Variants in MIEN1 observed in about 807,000 individuals in gnomAD.
The protein encoded by MIEN1 is HBV X-transactivated gene 4 protein.
MIEN1 carries 12 observed loss-of-function variants against 15.5 expected under a neutral mutation model. The observed-to-expected ratio is 0.78, with a 90% CI of 0.50 to 1.26. The LOEUF (loss-of-function observed/expected upper bound fraction) is 1.26. MIEN1 is among the 50% of genes most tolerant of loss of function. The probability of loss-of-function intolerance (pLI) is 0.00; values close to 1 mark genes in which losing one functional copy is unlikely to be tolerated. For synonymous variants in MIEN1, 63 were observed against 62.8 expected, an observed-to-expected ratio of 1.00 and a Z score of -0.02; for missense variants, 160 against 151.7, an observed-to-expected ratio of 1.05 and a Z score of -0.29.
At position 39,730,281 on chromosome 17, in the gene MIEN1, C is replaced by T; in HGVS notation, c.100G>A (p.Gly34Ser). The T allele has an allele frequency of 6.2e-7, 1 of 1,607,040 alleles. No individual in the cohort carries two copies. The highest frequency in any genetic ancestry group is 8.5e-7 in the Non-Finnish European group (1 of 1,178,544). ...AGCTCCAGGTAGGTCGCCTCGAAGC[C>T]GCAGGGTTCACTGGGGAGTCAAGAG... is the stretch of plus-strand genomic sequence containing the variant. ...RIVVEYCEPCGFEATYLELAS... is the reference protein window; with the variant it reads ...RIVVEYCEPCSFEATYLELAS... The change falls in exon 2 of 4, where the codon GGC becomes AGC. Residue 34 changes from glycine (G) to serine (S), a missense_variant. Coordinates refer to ENST00000394231, the MANE Select transcript of MIEN1 (RefSeq NM_032339.5).
chr17:39,730,350 C>G, intron 1 of MIEN1, 57 bp downstream of exon 1: 1 of 1,559,358 alleles, frequency 6.4e-7, no homozygotes, highest in South Asian at 1.2e-5. Context: ...TCCCGTGGAC[C>G]CACCTCCGTC....
chr17:39,729,550 T>C lies in MIEN1; in HGVS notation c.320A>G (p.Asn107Ser). ...CAGGATGACGCAGGGAGGACGGCTGTTGGTGATCTTTTCTAGGGTTTCTCC... is the reference window on the plus strand; with the variant it reads ...CAGGATGACGCAGGGAGGACGGCTGCTGGTGATCTTTTCTAGGGTTTCTCC... ...SNGETLEKITNSRPPCVIL is the reference protein window; with the variant it reads ...SNGETLEKITSSRPPCVIL Residue 107 changes from asparagine to serine, a missense_variant, in exon 4 of 4, where the codon AAC becomes AGC. Asn to Ser is a conservative substitution (Grantham distance 46, BLOSUM62 1). Coordinates refer to ENST00000394231, the MANE Select transcript of MIEN1 (RefSeq NM_032339.5). 6.2e-7 allele frequency: 1 copy of C among 1,614,004 alleles called. No individual in the cohort carries two copies. Among genetic ancestry groups the C allele is most frequent in the Non-Finnish European group, 8.5e-7 (1 of 1,180,012 alleles).
Position 39,729,360 on chromosome 17 carries a change from A to G in MIEN1, c.*162T>C. ...CTCTCTCCTGCCCCCAAGGCCACGG[A>G]ATCTTCTATTCCTTCTTTGTACCCA... On this transcript the variant is annotated 3_prime_UTR_variant, in exon 4 of 4. Coordinates refer to ENST00000394231, the MANE Select transcript of MIEN1 (RefSeq NM_032339.5). 1 of 833,578 alleles carries G rather than the reference A, an allele frequency of 1.2e-6. No individual in the cohort carries two copies. Among genetic ancestry groups the G allele is most frequent in the South Asian group, 1.7e-5 (1 of 59,750 alleles). 51.6% of individuals were successfully genotyped at this position (833,578 alleles called of 1,614,324 possible).
At chr17:39,730,313 C>T in intron 1 of MIEN1, 22 bp from the exon 2 acceptor site, 1 of 1,583,184 alleles carries the variant, frequency 6.3e-7, no homozygotes, top group Non-Finnish European at 8.6e-7. Flanking sequence ...AGAGATGGGG[C>T]TGGGCTGGGG....
Position 39,730,485 on chromosome 17 carries a change from T to C in MIEN1, c.11A>G (p.Glu4Gly), listed in dbSNP as rs2059933657. The C allele has an allele frequency of 6.5e-7, 1 of 1,534,192 alleles. No individual in the cohort carries two copies. The highest frequency in any genetic ancestry group is 1.4e-5 in the African/African-American group (1 of 71,440). Residue 4 changes from glutamate to glycine, a missense_variant, in exon 1 of 4, where the codon GAG becomes GGG. Transcript: ENST00000394231. ...GGGCGCTACGGACGTCTGCCCCGGC[T>C]CCCCGCTCATCGCGGCCGGCTCCGC... MSG[E>G]PGQTSVAPPP...
rs190390525 is a variant in MIEN1, at chr17:39,729,632, G to A, written c.265-27C>T. The A allele has an allele frequency of 3.1e-5, 50 of 1,614,114 alleles. 2 individuals carry two copies. The East Asian group carries it at 3.3e-4, about 11-fold the overall frequency. On this transcript the variant is annotated intron_variant, in intron 3 of 3. Coordinates refer to ENST00000394231, the MANE Select transcript of MIEN1 (RefSeq NM_032339.5). ...TAGAGGAGTGGAATGACAGGATGAT[G>A]CACTGTTGGGGTAGGGTGACCAAGA...
chr17:39,729,975 TC>T, intron 2 of MIEN1: 3 of 699,258 alleles, frequency 4.3e-6, no homozygotes, highest in Non-Finnish European at 7.1e-6. Context: ...AAGGACTCCC[TC>T]CCCTCCAACC....
At chr17:39,730,126 G>T in intron 2 of MIEN1, 68 bp downstream of exon 2, 1 of 1,446,004 alleles carries the variant, frequency 6.9e-7, no homozygotes. Flanking sequence ...GCCAATGTCA[G>T]AACTAGAAAG....
chr17:39,730,389 C>G lies in MIEN1; in HGVS notation c.89+18G>C. On this transcript the variant is annotated intron_variant, in intron 1 of 3. Coordinates refer to ENST00000394231, the MANE Select transcript of MIEN1 (RefSeq NM_032339.5). ...CCCGCGGGACCAGGGTGCGGGTCCT[C>G]CAGCCGGGGCCGCTCACCAGTACTC... 1 of 1,552,588 alleles carries G rather than the reference C, an allele frequency of 6.4e-7. No homozygotes were observed. Among genetic ancestry groups the G allele is most frequent in the Non-Finnish European group, 8.7e-7 (1 of 1,149,272 alleles).
Position 39,730,293 on chromosome 17 carries a change from T to C in MIEN1, c.90-2A>G. The C allele has an allele frequency of 6.3e-7, 1 of 1,599,272 alleles. No individual in the cohort carries two copies. The highest frequency in any genetic ancestry group is 8.5e-7 in the Non-Finnish European group (1 of 1,174,734). Reference sequence around the variant, plus strand: ...GTCGCCTCGAAGCCGCAGGGTTCACTGGGGAGTCAAGAGATGGGGCTGGGC... The same window carrying C: ...GTCGCCTCGAAGCCGCAGGGTTCACCGGGGAGTCAAGAGATGGGGCTGGGC... On this transcript the variant is annotated splice_acceptor_variant, in intron 1 of 3. Coordinates refer to ENST00000394231, the MANE Select transcript of MIEN1 (RefSeq NM_032339.5). LOFTEE classifies it high-confidence loss of function.
intron 1 of MIEN1, 36 bp downstream of exon 1, chr17:39,730,371 G>C (rs891390327): frequency 6.4e-7 from 1 of 1,554,930 alleles, no homozygotes; most frequent in Non-Finnish European, 8.7e-7. Context: ...CGGCCCGCGG[G>C]ACCAGGGTGC....
intron 2 of MIEN1, 105 bp from the exon 3 acceptor site, chr17:39,729,866 G>A (rs528458131): frequency 6.9e-7 from 1 of 1,441,314 alleles, no homozygotes; most frequent in East Asian, 2.3e-5. Flanking sequence ...AATCCCACTG[G>A]AGACCCATTT....
Position 39,729,440 on chromosome 17 carries a change from G to A in MIEN1, c.*82C>T. On this transcript the variant is annotated 3_prime_UTR_variant, in exon 4 of 4. Transcript: ENST00000394231. ...GCTAAGGAGCTAAGTAGGGGAAAGA[G>A]GCAGGGGGAGCTCCCAGCAGGACCA... 1.9e-6 allele frequency: 3 copies of A among 1,564,876 alleles called. No homozygotes were observed. The highest frequency in any genetic ancestry group is 1.1e-5 in the South Asian group (1 of 88,608).
chr17:39,729,830 G>C (rs113184388), intron 2 of MIEN1, 69 bp from the exon 3 acceptor site: 2 of 1,596,916 alleles, frequency 1.3e-6, no homozygotes, highest in African/African-American at 1.3e-5. Context: ...CCTCCAAAGG[G>C]GTCCCCCGCC....
intron 2 of MIEN1, 46 bp downstream of exon 2, chr17:39,730,148 G>C (rs2059928576): frequency 2.0e-6 from 3 of 1,528,798 alleles, no homozygotes; most frequent in East Asian, 4.7e-5. Context: ...GGGAGAGCTG[G>C]GATTCAGAGC....
In MIEN1 at chr17:39,729,709, A is replaced by G. The variant is rs147035036; in HGVS notation, c.240T>C (p.Asn80=). The change falls in exon 3 of 4, where the codon AAT becomes AAC. Residue 80 remains asparagine, a synonymous_variant. Coordinates refer to ENST00000394231, the MANE Select transcript of MIEN1 (RefSeq NM_032339.5). The stretch of plus-strand genomic sequence containing the variant: ...CATCTTTCTCATAGGGAAAGCCCCC[A>G]TTCTCCAGCTTGGAGAACACCAGCT... The part of the protein sequence containing the change: ...NGQLVFSKLE[N]GGFPYEKDLI... 1.5e-5 allele frequency: 24 copies of G among 1,614,002 alleles called. No homozygotes were observed. The highest frequency in any genetic ancestry group is 6.7e-5 in the East Asian group (3 of 44,896).
rs1365139912 is a variant in MIEN1 at position 39,728,914 on chromosome 17, T to C, written c.*608A>G. On this transcript the variant is annotated 3_prime_UTR_variant, in exon 4 of 4. Coordinates refer to ENST00000394231, the MANE Select transcript of MIEN1 (RefSeq NM_032339.5). ...AAGGCCACTCACCAGAATGGGGTTA[T>C]TTCCTCCTTGTGAGTGAGGAGAGTG... 5.6e-6 allele frequency: 1 copy of C among 180,096 alleles called. No individual in the cohort carries two copies. The highest frequency in any genetic ancestry group is 2.4e-5 in the African/African-American group (1 of 42,352). 11.2% of individuals were successfully genotyped at this position (180,096 alleles called of 1,614,324 possible).
rs1482393662 is a variant in MIEN1, at chr17:39,729,289, TGGGAAG to T, written c.*227_*232del. On this transcript the variant is annotated 3_prime_UTR_variant, in exon 4 of 4. Transcript: ENST00000394231. ...ACTGGGCTTTCGTGGGCACTTACCC[TGGGAAG>T]GGGGTATGAGGTGGCTGGAGAAGTG... 5.6e-5 allele frequency: 32 copies of T among 576,404 alleles called. No homozygotes were observed. The South Asian group carries it at 7.0e-4, about 13-fold the overall frequency. The allele number at this position is 576,404 out of a possible 1,614,324, so 35.7% of individuals were successfully genotyped here. A position where few individuals can be genotyped will look rare whatever the true frequency, so the allele number is the denominator to read the frequency against.
Position 39,730,516 on chromosome 17 carries a change from C to A in MIEN1, c.-21G>T. On this transcript the variant is annotated 5_prime_UTR_variant, in exon 1 of 4. Coordinates refer to ENST00000394231, the MANE Select transcript of MIEN1 (RefSeq NM_032339.5). ...CTCATCGCGGCCGGCTCCGCTCGGGCCCCTGCTTCCGGGTGTGACGCGAAC... is the reference window on the plus strand; with the variant it reads ...CTCATCGCGGCCGGCTCCGCTCGGGACCCTGCTTCCGGGTGTGACGCGAAC... The A allele has an allele frequency of 2.0e-6, 3 of 1,523,876 alleles. No individual in the cohort carries two copies. Among genetic ancestry groups the A allele is most frequent in the Non-Finnish European group, 2.6e-6 (3 of 1,142,068 alleles). The allele number at this position is 1,523,876 out of a possible 1,614,324, so 94.4% of individuals were successfully genotyped here. A position where few individuals can be genotyped will look rare whatever the true frequency, so the allele number is the denominator to read the frequency against.
Sources: gnomAD v4.1 joint callset for allele counts on GRCh38, gnomAD v4.1.1 for gene constraint, MANE v1.5 for transcripts, NCBI Gene and HGNC (gene_info 2026-07-23, HGNC 2026-07-21) for gene names.